The following HECW2 variants were observed in gnomAD, a reference collection of about 807,000 sequenced individuals.
The protein encoded by HECW2 is E3 ubiquitin-protein ligase HECW2.
A neutral mutation model predicts 175.2 loss-of-function variants in HECW2; 61 were observed. The ratio of observed to expected loss-of-function variants is 0.35; its 90% CI spans 0.28 to 0.43. The LOEUF is 0.43. HECW2 is among the 20% of genes least tolerant of loss of function. The pLI is 1.00. For missense variants in HECW2, 1,524 were observed against 2,000.5 expected (o/e 0.76, Z 4.54); for synonymous variants, 671 against 731.0 (o/e 0.92, Z 1.32).
intron 1 of HECW2, among the ~76,000 whole-genome samples, chr2:196,562,359 A>G (rs949406655): frequency 1.3e-5 from 2 of 152,262 alleles, no homozygotes; most frequent in Non-Finnish European, 2.9e-5. Context: ...CAAAGGAGGA[A>G]TTCAGTATAC....
chr2:196,506,395 G>A (rs1161841204), intron 1 of HECW2, among the ~76,000 whole-genome samples: 1 of 152,158 alleles, frequency 6.6e-6, no homozygotes, highest in Non-Finnish European at 1.5e-5. Flanking sequence ...GTGAAATGAT[G>A]TATAACGAAA....
intron 6 of HECW2, among the ~76,000 whole-genome samples, chr2:196,324,148 T>C (rs576537903): frequency 2.0e-4 from 30 of 152,262 alleles, no homozygotes; most frequent in African/African-American, 6.5e-4. Flanking sequence ...CATATTGTTG[T>C]CATTAAATAT....
chr2:196,537,973 G>C (rs1479486062), intron 1 of HECW2, among the ~76,000 whole-genome samples: 1 of 152,072 alleles, frequency 6.6e-6, no homozygotes, highest in Non-Finnish European at 1.5e-5. Context: ...TAATAAATTT[G>C]CTTTTACTCT....
intron 1 of HECW2, among the ~76,000 whole-genome samples, chr2:196,510,064 C>T (rs528571396): frequency 1.3e-5 from 2 of 152,298 alleles, no homozygotes; most frequent in East Asian, 3.9e-4. Context: ...AAACATGAGA[C>T]TCCACCATTG....
chr2:196,350,380 T>C (rs1693127838), intron 2 of HECW2, among the ~76,000 whole-genome samples: 1 of 152,094 alleles, frequency 6.6e-6, no homozygotes. Flanking sequence ...AATAAACAAA[T>C]AAAATGCTAA....
At chr2:196,477,004 G>C (rs866182785) in intron 1 of HECW2, among the ~76,000 whole-genome samples, 71 of 148,918 alleles carry the variant, frequency 4.8e-4, no homozygotes, top group African/African-American at 1.7e-3. Context: ...TTAGCCAGGC[G>C]TGGTGGCACA....
At chr2:196,566,872 T>A (rs756107611) in intron 1 of HECW2, among the ~76,000 whole-genome samples, 8 of 152,024 alleles carry the variant, frequency 5.3e-5, no homozygotes, top group Non-Finnish European at 1.2e-4. Context: ...GTAGATAAAA[T>A]TATTACCACA....
intron 24 of HECW2, among the ~76,000 whole-genome samples, chr2:196,221,987 A>G (rs1687686226): frequency 6.6e-6 from 1 of 152,260 alleles, no homozygotes; most frequent in African/African-American, 2.4e-5. Context: ...TGCTTACAAC[A>G]TAAACAGTTA....
chr2:196,565,980 G>A (rs540655018), intron 1 of HECW2, among the ~76,000 whole-genome samples: 99 of 151,590 alleles, frequency 6.5e-4, no homozygotes, highest in Non-Finnish European at 1.2e-3. Context: ...AAACTTTATC[G>A]TTTGTTTCCC....
chr2:196,588,667 C>A (rs1691074283), intron 1 of HECW2, among the ~76,000 whole-genome samples: 1 of 152,222 alleles, frequency 6.6e-6, no homozygotes. Context: ...CATACACACA[C>A]ACACACATAT....
At chr2:196,214,911 C>T (rs901557461) in intron 28 of HECW2, among the ~76,000 whole-genome samples, 7 of 151,994 alleles carry the variant, frequency 4.6e-5, no homozygotes, top group Admixed American at 4.6e-4. Flanking sequence ...AATAATATCA[C>T]CTAATATCAC....
intron 15 of HECW2, among the ~76,000 whole-genome samples, chr2:196,276,812 C>G (rs1163828583): frequency 1.3e-5 from 2 of 152,184 alleles, no homozygotes; most frequent in African/African-American, 2.4e-5. Flanking sequence ...TCTGCACTTA[C>G]AACCAGCAAA....
At chr2:196,412,718 C>A (rs1189045014) in intron 2 of HECW2, among the ~76,000 whole-genome samples, 1 of 152,202 alleles carries the variant, frequency 6.6e-6, no homozygotes, top group Non-Finnish European at 1.5e-5. Context: ...TTCATCTTTG[C>A]TCTTTTTACT....
intron 1 of HECW2, among the ~76,000 whole-genome samples, chr2:196,502,738 C>T (rs553064910): frequency 4.6e-5 from 7 of 152,128 alleles, no homozygotes; most frequent in Non-Finnish European, 7.3e-5. Context: ...TGGACGGTCC[C>T]GCCCAATGGA....
Position 196,198,302 on chromosome 2 carries a change from A to G in HECW2, c.*2975T>C, listed in dbSNP as rs1686751841. The G allele has an allele frequency of 6.6e-6, 1 of 152,130 alleles. No homozygotes were observed. Among genetic ancestry groups the G allele is most frequent in the Non-Finnish European group, 1.5e-5 (1 of 68,026 alleles). 9.4% of individuals were successfully genotyped at this position (152,130 alleles called of 1,614,324 possible). A position where few individuals can be genotyped will look rare whatever the true frequency, so the allele number is the denominator to read the frequency against. ...CAGTATTGACATACTATTACTTGCC[A>G]TTGCTTCCCAATAGAAACAGCATTG... On this transcript the variant is annotated 3_prime_UTR_variant, in exon 29 of 29. Coordinates refer to ENST00000644978, the MANE Select transcript of HECW2 (RefSeq NM_001348768.2).
chr2:196,567,288 T>TA (rs1341435421), intron 1 of HECW2, among the ~76,000 whole-genome samples: 2 of 152,322 alleles, frequency 1.3e-5, no homozygotes, highest in Non-Finnish European at 2.9e-5. Context: ...GAAAGAATGT[T>TA]AAGACAAAAA....
chr2:196,467,351 G>A (rs531805026), intron 1 of HECW2, among the ~76,000 whole-genome samples: 3 of 152,132 alleles, frequency 2.0e-5, no homozygotes, highest in African/African-American at 7.2e-5. Context: ...GAATCAAACT[G>A]CTTGGTATAG....
intron 1 of HECW2, among the ~76,000 whole-genome samples, chr2:196,464,994 C>T (rs1201610346): frequency 6.6e-6 from 1 of 152,096 alleles, no homozygotes; most frequent in Non-Finnish European, 1.5e-5. Flanking sequence ...CGAAATCGCG[C>T]CACTGCACTC....
chr2:196,262,970 A>C (rs1032366625), intron 17 of HECW2: 1 of 151,996 alleles, frequency 6.6e-6, no homozygotes, highest in Non-Finnish European at 1.5e-5. Flanking sequence ...AAAATAACGT[A>C]TGTGGCTCCT....
Sources: allele counts gnomAD v4.1 joint callset (sites outside exome capture counted in the v4.1 genomes callset), GRCh38; gene constraint gnomAD v4.1.1; transcripts MANE v1.5; gene names NCBI Gene and HGNC (gene_info 2026-07-23, HGNC 2026-07-21).